The following KIF6 variants were observed in gnomAD, a reference collection of about 807,000 sequenced individuals.
The protein encoded by KIF6 is kinesin family member 6.
Under a neutral mutation model 112.7 loss-of-function variants are expected in KIF6, and 106 were observed. The observed-to-expected ratio is 0.94, with a 90% confidence interval of 0.80 to 1.11. The LOEUF is 1.11. KIF6 is among the 50% of genes least tolerant of loss of function. The probability of loss-of-function intolerance (pLI) is 0.00; values close to 1 mark genes in which losing one functional copy is unlikely to be tolerated. For missense variants in KIF6, 929 were observed against 964.0 expected, an observed-to-expected ratio of 0.96 and a Z score of 0.48; for synonymous variants, 339 against 339.9, an observed-to-expected ratio of 1.00 and a Z score of 0.03.
At chr6:39,568,383 G>T (rs1456140110) in intron 10 of KIF6, among the ~76,000 whole-genome samples, 2 of 152,128 alleles carry the variant, frequency 1.3e-5, no homozygotes, top group African/African-American at 4.8e-5. Flanking sequence ...AGGGAACGGG[G>T]TCTTAGCAGT....
At chr6:39,692,949 T>A (rs1788310382) in intron 3 of KIF6, among the ~76,000 whole-genome samples, 1 of 152,122 alleles carries the variant, frequency 6.6e-6, no homozygotes. Flanking sequence ...CCTCTCAGCA[T>A]CAAAAATATA....
chr6:39,570,646 A>G (rs1780590449), intron 10 of KIF6, among the ~76,000 whole-genome samples: 1 of 152,088 alleles, frequency 6.6e-6, no homozygotes, highest in South Asian at 2.1e-4. Context: ...GAGATAACTG[A>G]ATCATGGGGG....
At chr6:39,444,904 C>T (rs1237593994) in intron 13 of KIF6, among the ~76,000 whole-genome samples, 1 of 151,838 alleles carries the variant, frequency 6.6e-6, no homozygotes, top group Admixed American at 6.6e-5. Flanking sequence ...TTGCAGTTCA[C>T]AAGAGCTGGA....
rs76579052 is a variant in KIF6 at position 39,351,999 on chromosome 6, G to A, written c.2180+5278C>T. Among the ~76,000 whole-genome samples, 201 of 152,352 alleles carry A rather than the reference G, an allele frequency of 1.3e-3. 1 individual carries two copies. The East Asian group carries it at 0.019, about 14-fold the overall frequency. On this transcript the variant is annotated intron_variant, in intron 19 of 22. Transcript: ENST00000287152. ...TACTGGCCTCTAGAGGTTGGCAGGT[G>A]CCCAGGTGAATGCATGGAGTGGGCC...
At chr6:39,415,956 C>G (rs1043758057) in intron 15 of KIF6, among the ~76,000 whole-genome samples, 4 of 152,210 alleles carry the variant, frequency 2.6e-5, no homozygotes, top group African/African-American at 9.6e-5. Flanking sequence ...TCACTAACAG[C>G]TTCTTCTATT....
intron 13 of KIF6, among the ~76,000 whole-genome samples, chr6:39,500,418 C>G (rs536433660): frequency 2.6e-5 from 4 of 152,260 alleles, no homozygotes; most frequent in South Asian, 2.1e-4. Context: ...TTAGGTGAAG[C>G]TTTCCCACTT....
chr6:39,337,183 C>CTTTCTTTCTT (rs1763030426), intron 22 of KIF6, among the ~76,000 whole-genome samples: 2 of 79,744 alleles, frequency 2.5e-5, no homozygotes, highest in African/African-American at 2.0e-4. Flanking sequence ...TTCTTTCTTT[C>CTTTCTTTCTT]TTTCTTTCTT....
At chr6:39,690,925 AG>A (rs1014771702) in intron 3 of KIF6, 1 of 152,282 alleles carries the variant, frequency 6.6e-6, no homozygotes, top group African/African-American at 2.4e-5. Flanking sequence ...GGAAATTTAC[AG>A]ACAAGGTTGC....
chr6:39,473,302 T>TA (rs34799894), intron 13 of KIF6, among the ~76,000 whole-genome samples: 1,985 of 149,846 alleles, frequency 0.013, 33 homozygotes, highest in African/African-American at 0.042. Context: ...TCAATTTAGG[T>TA]AAAAAAAAAA....
chr6:39,502,381 A>C (rs1022741981), intron 13 of KIF6, among the ~76,000 whole-genome samples: 2 of 151,998 alleles, frequency 1.3e-5, no homozygotes, highest in Admixed American at 1.3e-4. Context: ...CACTAAAAAA[A>C]ACACACACAC....
chr6:39,375,425 C>G (rs1766365461), intron 16 of KIF6, among the ~76,000 whole-genome samples: 1 of 152,140 alleles, frequency 6.6e-6, no homozygotes, highest in Non-Finnish European at 1.5e-5. Flanking sequence ...ACATTGTATA[C>G]ACATATCACA....
At chr6:39,445,733 C>T (rs1282363381) in intron 13 of KIF6, among the ~76,000 whole-genome samples, 1 of 152,162 alleles carries the variant, frequency 6.6e-6, no homozygotes, top group Non-Finnish European at 1.5e-5. Flanking sequence ...TTTAGAAGCA[C>T]TGAGAAGCAG....
At chr6:39,495,602 G>T (rs1396071413) in intron 13 of KIF6, among the ~76,000 whole-genome samples, 3 of 152,188 alleles carry the variant, frequency 2.0e-5, no homozygotes, top group Admixed American at 2.0e-4. Flanking sequence ...AAGAGGTGGG[G>T]TGGTGCTATG....
At chr6:39,355,459 C>CTTTTTT (rs574801087) in intron 19 of KIF6, among the ~76,000 whole-genome samples, 3 of 82,748 alleles carry the variant, frequency 3.6e-5, no homozygotes, top group African/African-American at 4.9e-5. Flanking sequence ...TTTAAGAAGT[C>CTTTTTT]TTTTTTTTTT....
intron 5 of KIF6, among the ~76,000 whole-genome samples, chr6:39,621,234 T>C (rs2465679): frequency 0.019 from 1,371 of 70,400 alleles, 10 homozygotes; most frequent in South Asian, 0.045. Context: ...CACACACACG[T>C]ACACATATAT....
intron 15 of KIF6, among the ~76,000 whole-genome samples, chr6:39,405,071 C>G (rs1451278829): frequency 6.6e-6 from 1 of 151,766 alleles, no homozygotes; most frequent in Admixed American, 6.6e-5. Context: ...GACCTTGTAT[C>G]CTACAGTCTT....
chr6:39,715,226 A>T (rs951282099), intron 2 of KIF6, among the ~76,000 whole-genome samples: 1 of 152,222 alleles, frequency 6.6e-6, no homozygotes, highest in Non-Finnish European at 1.5e-5. Context: ...ATTTTGAACT[A>T]AAGTTTATTT....
At position 39,546,105 on chromosome 6, in the gene KIF6, A is replaced by G. The variant is rs1779058216; in HGVS notation, c.1182-417T>C. The stretch of plus-strand genomic sequence containing the variant: ...ACCCCACTATTTTTTTAATCATTCC[A>G]GGTGATCTTCTATTCTTCACAGTGC... On this transcript the variant is annotated intron_variant, in intron 10 of 22. Coordinates refer to ENST00000287152, the MANE Select transcript of KIF6 (RefSeq NM_145027.6). 2.0e-5 allele frequency among the ~76,000 whole-genome samples: 3 copies of G among 152,162 alleles called. No homozygotes were observed. In the South Asian group the frequency reaches 6.2e-4, roughly 32 times the overall value.
At chr6:39,339,180 A>G (rs1268743231) in intron 22 of KIF6, among the ~76,000 whole-genome samples, 1 of 152,166 alleles carries the variant, frequency 6.6e-6, no homozygotes, top group African/African-American at 2.4e-5. Flanking sequence ...AGAAAAAGCA[A>G]AATCACACCT....
Sources: allele counts gnomAD v4.1 joint callset (sites outside exome capture counted in the v4.1 genomes callset), GRCh38; gene constraint gnomAD v4.1.1; transcripts MANE v1.5; gene names NCBI Gene and HGNC (gene_info 2026-07-23, HGNC 2026-07-21).